Variants in CELSR1 observed in about 807,000 individuals in gnomAD.
CELSR1 encodes adhesion G protein-coupled receptor C1.
A neutral mutation model predicts 249.1 loss-of-function variants in CELSR1; 110 were observed. That is an observed-to-expected ratio of 0.44 (90% CI 0.38 to 0.52). CELSR1 has a LOEUF of 0.52. CELSR1 is among the 20% of genes least tolerant of loss of function. The pLI is 0.00. For synonymous variants in CELSR1, 2,113 were observed against 1,900.0 expected, an observed-to-expected ratio of 1.11 and a Z score of -2.92; for missense variants, 4,109 against 4,296.4, an observed-to-expected ratio of 0.96 and a Z score of 1.22.
chr22:46,366,195 A>G (rs866159830), intron 30 of CELSR1, among the ~76,000 whole-genome samples, 191 bp downstream of exon 30: 92 of 2,954 alleles, frequency 0.031, no homozygotes, highest in African/African-American at 0.089. Context: ...GGTGCAGGGG[A>G]AGGGAAGGTG....
rs149132984 is a variant in CELSR1 at position 46,429,000 on chromosome 22, G to A, written c.4611+4393C>T. On this transcript the variant is annotated intron_variant, in intron 5 of 34. Transcript: ENST00000674500. The surrounding 1 kb of genome is among the most constrained non-coding windows in gnomAD (Gnocchi z 5.7). Reference sequence around the variant, plus strand: ...GCCCCGTTAAACATCTTGCTGGCACGTCTGTGTCCCCGACCCTGCCAGGAG... The same window carrying A: ...GCCCCGTTAAACATCTTGCTGGCACATCTGTGTCCCCGACCCTGCCAGGAG... Among the ~76,000 whole-genome samples the A allele has an allele frequency of 1.7e-4, 26 of 152,246 alleles. No homozygotes were observed. The highest frequency in any genetic ancestry group is 3.4e-3 in the Middle Eastern group (1 of 294).
chr22:46,443,686 C>T (rs909856), intron 2 of CELSR1, among the ~76,000 whole-genome samples: 64,475 of 151,914 alleles, frequency 0.42, 14,009 homozygotes, highest in African/African-American at 0.49. Flanking sequence ...CATACACATG[C>T]GTTGACACAC....
In CELSR1 at chr22:46,535,297, G is replaced by A. The variant is rs762277021; in HGVS notation, c.1874C>T (p.Thr625Ile). Residue 625 changes from threonine (T) to isoleucine (I), a missense_variant, in exon 1 of 35, where the codon ACC becomes ATC. Physicochemically the swap from Thr to Ile is moderately conservative, Grantham distance 89 (BLOSUM62 -1). Transcript: ENST00000674500. ...GSAGPKNPAP[T>I]PDFPFQIHNS... The stretch of plus-strand genomic sequence containing the variant: ...GTGGATCTGGAAGGGGAAGTCAGGG[G>A]TGGGGGCAGGATTCTTAGGCCCAGC... 5.6e-6 allele frequency: 9 copies of A among 1,611,380 alleles called. No homozygotes were observed. Among genetic ancestry groups the A allele is most frequent in the Middle Eastern group, 1.6e-4 (1 of 6,062 alleles).
chr22:46,520,620 C>T (rs2016614448), intron 1 of CELSR1, among the ~76,000 whole-genome samples: 1 of 151,924 alleles, frequency 6.6e-6, no homozygotes, highest in African/African-American at 2.4e-5. Flanking sequence ...GTCATCAGGC[C>T]CAGCTAATTT....
At chr22:46,509,497 C>G (rs1022781012) in intron 1 of CELSR1, among the ~76,000 whole-genome samples, 1 of 20,306 alleles carries the variant, frequency 4.9e-5, no homozygotes, top group African/African-American at 1.3e-4. Context: ...AGAGGGCAGC[C>G]CACTTCCATG....
chr22:46,513,401 A>G (rs550935663), intron 1 of CELSR1, among the ~76,000 whole-genome samples: 90 of 152,304 alleles, frequency 5.9e-4, no homozygotes, highest in Admixed American at 8.5e-4. Flanking sequence ...ACCAGCCCAC[A>G]TACCTGACCA....
chr22:46,383,978 G>A (rs939903076), intron 20 of CELSR1, among the ~76,000 whole-genome samples: 1 of 151,310 alleles, frequency 6.6e-6, no homozygotes, highest in Admixed American at 6.6e-5. Flanking sequence ...TTTTTGAGAC[G>A]GAGTCTTACC....
chr22:46,394,018 GGT>G (rs1038940203), intron 14 of CELSR1, 122 bp downstream of exon 14: 1 of 1,237,882 alleles, frequency 8.1e-7, no homozygotes, highest in Non-Finnish European at 1.1e-6. Flanking sequence ...AGTGGGCACA[GGT>G]GTGTGTGCAG....
chr22:46,365,417 G>T, intron 31 of CELSR1, 37 bp from the exon 32 acceptor site: 1 of 1,605,694 alleles, frequency 6.2e-7, no homozygotes. Flanking sequence ...CTCAGGCCCT[G>T]GGAGGTGAGG....
chr22:46,407,674 A>G lies in CELSR1; in HGVS notation c.5226+1322T>C, dbSNP rs2079281500. On this transcript the variant is annotated intron_variant, in intron 9 of 34. Transcript: ENST00000674500. This position sits in a 1 kb window ranked among gnomAD's most constrained non-coding sequence, Gnocchi z 4.8. ...ACAAAACAAAAAAAACCTAGGATGAAGGAAGGAATAACTCAGTTATGAATC... is the reference window on the plus strand; with the variant it reads ...ACAAAACAAAAAAAACCTAGGATGAGGGAAGGAATAACTCAGTTATGAATC... Among the ~76,000 whole-genome samples, 1 of 152,144 alleles carries G rather than the reference A, an allele frequency of 6.6e-6. No individual in the cohort carries two copies. Among genetic ancestry groups the G allele is most frequent in the Admixed American group, 6.5e-5 (1 of 15,274 alleles).
chr22:46,464,381 C>CT lies in CELSR1; in HGVS notation c.3545-37dup. The CT allele has an allele frequency of 6.3e-7, 1 of 1,584,394 alleles. No homozygotes were observed. Among genetic ancestry groups the CT allele is most frequent in the Non-Finnish European group, 8.6e-7 (1 of 1,165,574 alleles). On this transcript the variant is annotated intron_variant, in intron 1 of 34. Transcript: ENST00000674500. This position sits in a 1 kb window ranked among gnomAD's most constrained non-coding sequence, Gnocchi z 8.5. ...AAGGAAAGTCAGGGTCATTCAGATG[C>CT]TGCGGGAGTCACAGGTCCTATAGGC...
At position 46,410,492 on chromosome 22, in the gene CELSR1, G is replaced by T; in HGVS notation, c.4839C>A (p.His1613Gln). 1.9e-6 allele frequency: 3 copies of T among 1,614,140 alleles called. No homozygotes were observed. Among genetic ancestry groups the T allele is most frequent in the Non-Finnish European group, 2.5e-6 (3 of 1,180,030 alleles). Reference sequence around the variant, plus strand: ...GCATGCAGCCCACGAACTGCCGGTTGTGCACTGGGAAGTCTTCTGGCAGGT... The same window carrying T: ...GCATGCAGCCCACGAACTGCCGGTTTTGCACTGGGAAGTCTTCTGGCAGGT... ...VPNLPEDFPVHNRQFVGCMRN... is the reference protein window; with the variant it reads ...VPNLPEDFPVQNRQFVGCMRN... Residue 1613 changes from histidine (H) to glutamine (Q), a missense_variant, in exon 7 of 35, where the codon CAC becomes CAA. Transcript: ENST00000674500. The surrounding 1 kb of genome is among the most constrained non-coding windows in gnomAD (Gnocchi z 6.8).
Position 46,526,495 on chromosome 22 carries a change from G to C in CELSR1, c.3544+7132C>G, listed in dbSNP as rs1482528668. 6.6e-6 allele frequency among the ~76,000 whole-genome samples: 1 copy of C among 152,108 alleles called. No individual in the cohort carries two copies. ...CAGCAACCTTGTCATTTGCTTCTCA[G>C]AGGCACCCCCAAACCACTCCACTCA... is the stretch of plus-strand genomic sequence containing the variant. On this transcript the variant is annotated intron_variant, in intron 1 of 34. Coordinates refer to ENST00000674500, the MANE Select transcript of CELSR1 (RefSeq NM_001378328.1). The surrounding 1 kb of genome is among the most constrained non-coding windows in gnomAD (Gnocchi z 4.7).
chr22:46,408,093 T>C lies in CELSR1; in HGVS notation c.5226+903A>G, dbSNP rs1160749029. ...CAAAGTGTCTACGGAGCATGGAAGA[T>C]GCGAGCAGAAACCGTGTGGCGCAGA... On this transcript the variant is annotated intron_variant, in intron 9 of 34. Transcript: ENST00000674500. The surrounding 1 kb of genome is among the most constrained non-coding windows in gnomAD (Gnocchi z 4.6). 6.6e-6 allele frequency among the ~76,000 whole-genome samples: 1 copy of C among 152,204 alleles called. No homozygotes were observed. The highest frequency in any genetic ancestry group is 6.5e-5 in the Admixed American group (1 of 15,286).
intron 1 of CELSR1, among the ~76,000 whole-genome samples, chr22:46,514,772 T>G (rs933032725): frequency 6.6e-6 from 1 of 152,122 alleles, no homozygotes; most frequent in African/African-American, 2.4e-5. Context: ...AGCCCTGTCC[T>G]GCCTCGCTGA....
At chr22:46,532,039 A>T (rs1422753831) in intron 1 of CELSR1, among the ~76,000 whole-genome samples, 4 of 152,186 alleles carry the variant, frequency 2.6e-5, no homozygotes, top group African/African-American at 7.2e-5. Context: ...GCTCTCAGGA[A>T]CCAACCTCCT....
chr22:46,370,840 G>A (rs755643222), intron 25 of CELSR1, among the ~76,000 whole-genome samples: 5 of 152,190 alleles, frequency 3.3e-5, no homozygotes, highest in East Asian at 1.9e-4. Flanking sequence ...GAGGCTCCCC[G>A]GGAGTTATTT....
At chr22:46,496,235 A>G (rs1403379128) in intron 1 of CELSR1, among the ~76,000 whole-genome samples, 1 of 150,516 alleles carries the variant, frequency 6.6e-6, no homozygotes, top group Non-Finnish European at 1.5e-5. Context: ...CTTTTGTAAC[A>G]ACACTTAGCT....
At position 46,488,180 on chromosome 22, in the gene CELSR1, G is replaced by A. The variant is rs1334894229; in HGVS notation, c.3545-23835C>T. On this transcript the variant is annotated intron_variant, in intron 1 of 34. Coordinates refer to ENST00000674500, the MANE Select transcript of CELSR1 (RefSeq NM_001378328.1). The surrounding 1 kb of genome is among the most constrained non-coding windows in gnomAD (Gnocchi z 4.7). ...AGCTGGGTGACAGCAGGAAGCAGCT[G>A]TGGTCAGCAGCCACTCAGGGCTGGC... Among the ~76,000 whole-genome samples, 2 of 151,948 alleles carry A rather than the reference G, an allele frequency of 1.3e-5. No homozygotes were observed. Among genetic ancestry groups the A allele is most frequent in the Non-Finnish European group, 2.9e-5 (2 of 67,932 alleles).
Sources: allele counts gnomAD v4.1 joint callset (sites outside exome capture counted in the v4.1 genomes callset), GRCh38; gene constraint gnomAD v4.1.1; non-coding constraint Gnocchi (gnomAD v3.1); transcripts MANE v1.5; gene names NCBI Gene and HGNC (gene_info 2026-07-23, HGNC 2026-07-21).